Variants in KYNU observed in about 807,000 individuals in gnomAD.
KYNU encodes L-kynurenine hydrolase.
KYNU carries 54 observed loss-of-function variants against 59.2 expected under a neutral mutation model. The ratio of observed to expected loss-of-function variants is 0.91; its 90% CI spans 0.73 to 1.14. The LOEUF (loss-of-function observed/expected upper bound fraction) is 1.14, where lower values mean the gene tolerates loss of function less well. Ranked by LOEUF, KYNU falls within the 50% of genes most tolerant of loss-of-function variation. KYNU has a pLI of 0.00. For synonymous variants in KYNU, 177 were observed against 192.0 expected, an observed-to-expected ratio of 0.92 and a Z score of 0.65; for missense variants, 567 against 554.4, an observed-to-expected ratio of 1.02 and a Z score of -0.23.
At chr2:142,953,491 G>A (rs1296108903) in intron 4 of KYNU, among the ~76,000 whole-genome samples, 2 of 152,154 alleles carry the variant, frequency 1.3e-5, no homozygotes, top group Admixed American at 6.5e-5. Flanking sequence ...GAAGATGGCA[G>A]TATTTTTTAA....
At chr2:142,966,458 C>A (rs1684541948) in intron 8 of KYNU, among the ~76,000 whole-genome samples, 2 of 152,202 alleles carry the variant, frequency 1.3e-5, no homozygotes, top group South Asian at 4.1e-4. Context: ...GACTAACACT[C>A]AGTCCATGAC....
intron 10 of KYNU, among the ~76,000 whole-genome samples, chr2:143,016,141 T>C (rs1364150442): frequency 1.3e-5 from 2 of 152,250 alleles, no homozygotes; most frequent in African/African-American, 4.8e-5. Context: ...AAACTTGCTC[T>C]GAGGCTTTGA....
At chr2:142,939,843 T>G (rs1360741448) in intron 4 of KYNU, among the ~76,000 whole-genome samples, 1 of 151,836 alleles carries the variant, frequency 6.6e-6, no homozygotes, top group African/African-American at 2.4e-5. Flanking sequence ...TCACGTGGAG[T>G]CAGGCTCAGT....
chr2:143,024,841 A>G (rs1430152829), intron 10 of KYNU, among the ~76,000 whole-genome samples: 1 of 152,062 alleles, frequency 6.6e-6, no homozygotes, highest in Non-Finnish European at 1.5e-5. Flanking sequence ...TATTCTTCTC[A>G]GGCTTTTCTT....
intron 4 of KYNU, among the ~76,000 whole-genome samples, chr2:142,929,434 T>C (rs1056621691): frequency 6.6e-6 from 1 of 151,488 alleles, no homozygotes; most frequent in African/African-American, 2.4e-5. Flanking sequence ...AGCCAGCTGC[T>C]TTACCCTGCT....
chr2:143,010,038 T>A (rs1245528414), intron 10 of KYNU, among the ~76,000 whole-genome samples: 1 of 141,856 alleles, frequency 7.0e-6, no homozygotes, highest in South Asian at 2.3e-4. Flanking sequence ...CCTATTCAAC[T>A]TAGTGTTGGA....
chr2:142,979,000 A>G (rs1032441620), intron 8 of KYNU, among the ~76,000 whole-genome samples: 2 of 152,160 alleles, frequency 1.3e-5, no homozygotes, highest in Non-Finnish European at 2.9e-5. Flanking sequence ...TTTATGTTTC[A>G]TTTCAATAGG....
intron 12 of KYNU, 74 bp from the exon 13 acceptor site, chr2:143,040,354 C>A: frequency 1.0e-6 from 1 of 988,942 alleles, no homozygotes; most frequent in Non-Finnish European, 1.6e-6. Context: ...CCTTTTTATG[C>A]ATGATTTACT....
intron 4 of KYNU, among the ~76,000 whole-genome samples, chr2:142,943,041 A>G (rs900389469): frequency 9.2e-5 from 14 of 151,876 alleles, no homozygotes; most frequent in South Asian, 2.1e-4. Context: ...AAATCCTGAG[A>G]TATTGGGAAA....
chr2:142,984,643 T>C (rs1287007757), intron 8 of KYNU, among the ~76,000 whole-genome samples: 1 of 152,022 alleles, frequency 6.6e-6, no homozygotes, highest in Non-Finnish European at 1.5e-5. Flanking sequence ...ACATTAAAAA[T>C]ATAGAATTAA....
chr2:142,975,080 T>G (rs1236990606), intron 8 of KYNU, among the ~76,000 whole-genome samples: 1 of 152,116 alleles, frequency 6.6e-6, no homozygotes, highest in Non-Finnish European at 1.5e-5. Flanking sequence ...CTGGAGACCA[T>G]GGCCCTAAAT....
chr2:142,942,175 G>GAAAA (rs902662290), intron 4 of KYNU, among the ~76,000 whole-genome samples: 2 of 118,496 alleles, frequency 1.7e-5, no homozygotes, highest in African/African-American at 3.0e-5. Flanking sequence ...AAAAAAAAAA[G>GAAAA]AAAAAAAAAA....
At chr2:142,925,474 G>T (rs1683019363) in intron 3 of KYNU, among the ~76,000 whole-genome samples, 1 of 152,154 alleles carries the variant, frequency 6.6e-6, no homozygotes, top group African/African-American at 2.4e-5. Flanking sequence ...CATTAGGAAA[G>T]AAGACTCAGA....
intron 8 of KYNU, among the ~76,000 whole-genome samples, chr2:142,969,133 G>A (rs1440801193): frequency 6.6e-6 from 1 of 151,826 alleles, no homozygotes; most frequent in Non-Finnish European, 1.5e-5. Flanking sequence ...ACTCACCTTT[G>A]GTTCTATTCA....
chr2:142,899,763 G>T (rs576420766), intron 2 of KYNU, among the ~76,000 whole-genome samples: 18 of 152,306 alleles, frequency 1.2e-4, no homozygotes, highest in Admixed American at 4.6e-4. Context: ...TTAACAAGGA[G>T]GTTAAAGATA....
At chr2:142,879,327 G>A (rs1449690132) in intron 1 of KYNU, 3 of 152,308 alleles carry the variant, frequency 2.0e-5, no homozygotes, top group East Asian at 1.9e-4. Flanking sequence ...TGCCCATCAG[G>A]TATCTCAAGG....
intron 8 of KYNU, among the ~76,000 whole-genome samples, chr2:142,977,803 A>G (rs1251183396): frequency 6.6e-6 from 1 of 152,178 alleles, no homozygotes; most frequent in East Asian, 1.9e-4. Flanking sequence ...ACTCATAACC[A>G]GAGAGTTGGG....
intron 10 of KYNU, among the ~76,000 whole-genome samples, chr2:143,002,219 A>G (rs1004214306): frequency 1.3e-5 from 2 of 152,232 alleles, no homozygotes; most frequent in African/African-American, 4.8e-5. Context: ...ATAATGAGAT[A>G]GGCAACTTGG....
At chr2:142,963,193 A>G (rs536533111) in intron 8 of KYNU, among the ~76,000 whole-genome samples, 3 of 152,298 alleles carry the variant, frequency 2.0e-5, no homozygotes, top group Admixed American at 1.3e-4. Flanking sequence ...AGCATGAATC[A>G]TAAGCAAATA....
Sources: allele counts gnomAD v4.1 joint callset (sites outside exome capture counted in the v4.1 genomes callset), GRCh38; gene constraint gnomAD v4.1.1; transcripts MANE v1.5; gene names NCBI Gene and HGNC (gene_info 2026-07-23, HGNC 2026-07-21).